Variants in TYW1B observed in about 807,000 individuals in gnomAD.
The protein encoded by TYW1B is S-adenosyl-L-methionine-dependent tRNA 4-demethylwyosine synthase TYW1B.
TYW1B carries 73 observed loss-of-function variants against 86.9 expected under a neutral mutation model. The observed-to-expected ratio is 0.84, with a 90% CI of 0.70 to 1.02. The LOEUF (loss-of-function observed/expected upper bound fraction) is 1.02. TYW1B is among the 50% of genes least tolerant of loss of function. TYW1B has a pLI of 0.00. For missense variants in TYW1B, 637 were observed against 827.4 expected, an observed-to-expected ratio of 0.77 and a Z score of 2.82; for synonymous variants, 248 against 292.8, an observed-to-expected ratio of 0.85 and a Z score of 1.56.
chr7:72,698,841 C>T (rs1278805511), intron 10 of TYW1B, among the ~76,000 whole-genome samples: 5 of 152,106 alleles, frequency 3.3e-5, no homozygotes, highest in African/African-American at 7.2e-5. Context: ...CAAGAGAATA[C>T]GGATGATCTG....
At chr7:72,824,221 GT>G (rs1433433688) in intron 2 of TYW1B, among the ~76,000 whole-genome samples, 6 of 152,128 alleles carry the variant, frequency 3.9e-5, no homozygotes, top group African/African-American at 1.4e-4. Flanking sequence ...CTCTGAAGTA[GT>G]CCACAAAAAT....
chr7:72,628,401 T>C (rs1237477717), intron 12 of TYW1B, among the ~76,000 whole-genome samples: 7 of 152,200 alleles, frequency 4.6e-5, no homozygotes, highest in African/African-American at 1.4e-4. Flanking sequence ...TGCTTTAAAA[T>C]AATCTGGGCT....
At chr7:72,822,572 C>T (rs1250861519) in intron 2 of TYW1B, among the ~76,000 whole-genome samples, 1 of 152,204 alleles carries the variant, frequency 6.6e-6, no homozygotes, top group Non-Finnish European at 1.5e-5. Context: ...AATGAAGCTA[C>T]GCCTTCTGAG....
intron 8 of TYW1B, among the ~76,000 whole-genome samples, chr7:72,744,209 A>G (rs1470804771): frequency 1.3e-5 from 2 of 152,220 alleles, no homozygotes; most frequent in African/African-American, 2.4e-5. Flanking sequence ...ATCACTATTT[A>G]TCGATAATCA....
At chr7:72,714,434 T>C (rs539526060) in intron 9 of TYW1B, among the ~76,000 whole-genome samples, 150 of 149,406 alleles carry the variant, frequency 1.0e-3, no homozygotes, top group African/African-American at 3.5e-3. Context: ...CTGGGCAATA[T>C]AGTGAGACCT....
At chr7:72,694,486 A>G (rs1443764749) in intron 11 of TYW1B, among the ~76,000 whole-genome samples, 1 of 152,254 alleles carries the variant, frequency 6.6e-6, no homozygotes, top group Non-Finnish European at 1.5e-5. Flanking sequence ...AGAAGAACTC[A>G]ATAATTATTT....
In TYW1B at chr7:72,681,775, C is replaced by T. The variant is rs192452755; in HGVS notation, c.1506+12912G>A. On this transcript the variant is annotated intron_variant, in intron 11 of 13. Coordinates refer to ENST00000620995, the MANE Select transcript of TYW1B (RefSeq NM_001145440.3). The stretch of plus-strand genomic sequence containing the variant: ...TAATTTTTTGTATTTTTAGTAGAGA[C>T]GGGGTTTCACCGTGTTAGCCAGGAT... Among the ~76,000 whole-genome samples, 515 of 150,526 alleles carry T rather than the reference C, an allele frequency of 3.4e-3. 2 individuals are homozygous for T. Among genetic ancestry groups the T allele is most frequent in the African/African-American group, 0.012 (497 of 40,958 alleles).
intron 12 of TYW1B, among the ~76,000 whole-genome samples, chr7:72,623,714 T>C (rs1585856118): frequency 6.6e-6 from 1 of 152,162 alleles, no homozygotes; most frequent in African/African-American, 2.4e-5. Flanking sequence ...TGTTAATCCT[T>C]AGAGAGGTTT....
chr7:72,763,284 T>C (rs1426501253), intron 7 of TYW1B, among the ~76,000 whole-genome samples: 8 of 117,010 alleles, frequency 6.8e-5, no homozygotes, highest in African/African-American at 1.5e-4. Flanking sequence ...TTTCTTTTCT[T>C]TTTTTTTTTT....
At chr7:72,755,642 CGACA>C (rs1319954225) in intron 7 of TYW1B, among the ~76,000 whole-genome samples, 10 of 152,100 alleles carry the variant, frequency 6.6e-5, no homozygotes, top group Admixed American at 6.6e-4. Context: ...CCGGCCTGGG[CGACA>C]GAGTGAGCCT....
intron 13 of TYW1B, among the ~76,000 whole-genome samples, chr7:72,614,024 G>A (rs1285060343): frequency 6.7e-6 from 1 of 150,330 alleles, no homozygotes; most frequent in Non-Finnish European, 1.5e-5. Flanking sequence ...GGGCAGGGGT[G>A]GGGAAGGGAG....
chr7:72,734,570 C>A (rs1438517304), intron 8 of TYW1B, among the ~76,000 whole-genome samples: 1 of 152,058 alleles, frequency 6.6e-6, no homozygotes, highest in African/African-American at 2.4e-5. Flanking sequence ...AATAAAACTT[C>A]AAAATTACAG....
At chr7:72,582,526 T>C (rs1224869353) in intron 13 of TYW1B, among the ~76,000 whole-genome samples, 2 of 152,216 alleles carry the variant, frequency 1.3e-5, no homozygotes, top group Non-Finnish European at 1.5e-5. Context: ...CAAAAAGTTG[T>C]ACTTTTTACA....
chr7:72,801,638 T>C (rs1788405000), intron 6 of TYW1B, among the ~76,000 whole-genome samples: 1 of 152,178 alleles, frequency 6.6e-6, no homozygotes, highest in South Asian at 2.1e-4. Context: ...GTTATTTTTA[T>C]AGTATAGTAT....
At chr7:72,622,907 C>T (rs1173051179) in intron 12 of TYW1B, among the ~76,000 whole-genome samples, 1 of 152,152 alleles carries the variant, frequency 6.6e-6, no homozygotes, top group Non-Finnish European at 1.5e-5. Context: ...GCCATGACGC[C>T]ACTCCCGCAT....
chr7:72,610,557 C>T (rs1554435730), intron 13 of TYW1B, among the ~76,000 whole-genome samples: 1 of 151,990 alleles, frequency 6.6e-6, no homozygotes, highest in African/African-American at 2.4e-5. Flanking sequence ...TTGTCTCAGA[C>T]CCCCATTTCA....
intron 11 of TYW1B, among the ~76,000 whole-genome samples, chr7:72,671,063 T>C (rs1456788391): frequency 1.3e-5 from 2 of 152,138 alleles, no homozygotes; most frequent in African/African-American, 4.8e-5. Context: ...TTCTAGTTTC[T>C]GGGGACCAGT....
chr7:72,619,634 C>G lies in TYW1B; in HGVS notation c.1618-2795G>C, dbSNP rs541591222. Reference sequence around the variant, plus strand: ...CCGCAGTCTGGCCTGGGCGACAGAGCAAGACTCCGTCTCAAAAAAAAAAAA... The same window carrying G: ...CCGCAGTCTGGCCTGGGCGACAGAGGAAGACTCCGTCTCAAAAAAAAAAAA... On this transcript the variant is annotated intron_variant, in intron 12 of 13. Transcript: ENST00000620995. Among the ~76,000 whole-genome samples the G allele has an allele frequency of 4.0e-3, 464 of 116,946 alleles. 6 individuals are homozygous for G. Among genetic ancestry groups the G allele is most frequent in the South Asian group, 0.013 (48 of 3,580 alleles). The allele number at this position is 116,946 out of a possible 152,430, so 76.7% of individuals were successfully genotyped here.
chr7:72,645,893 T>C (rs1554441998), intron 11 of TYW1B, among the ~76,000 whole-genome samples: 1 of 150,922 alleles, frequency 6.6e-6, no homozygotes, highest in East Asian at 1.9e-4. Context: ...CTGTGCCCTT[T>C]TCTGTGTGTA....
Sources: gnomAD v4.1 joint callset for allele counts (sites outside exome capture counted in the v4.1 genomes callset) on GRCh38, gnomAD v4.1.1 for gene constraint, MANE v1.5 for transcripts, NCBI Gene and HGNC (gene_info 2026-07-23, HGNC 2026-07-21) for gene names.